Variants in AKAP3 observed in about 807,000 individuals in gnomAD.
AKAP3 encodes the protein A-kinase anchor protein 3.
In AKAP3, 27 loss-of-function variants were observed where a neutral mutation model predicts 57.2. The ratio of observed to expected loss-of-function variants is 0.47; its 90% CI spans 0.35 to 0.65. The LOEUF (loss-of-function observed/expected upper bound fraction) is 0.65, where lower values mean the gene tolerates loss of function less well. AKAP3 is among the 30% of genes least tolerant of loss of function. The pLI, the probability that AKAP3 is intolerant of heterozygous loss-of-function variation, is 0.01. For missense variants in AKAP3, 959 were observed against 1,040.0 expected, an observed-to-expected ratio of 0.92 and a Z score of 1.07; for synonymous variants, 334 against 392.3, an observed-to-expected ratio of 0.85 and a Z score of 1.76.
At chr12:4,635,053 T>C (rs528042575) in intron 4 of AKAP3, among the ~76,000 whole-genome samples, 1 of 152,280 alleles carries the variant, frequency 6.6e-6, no homozygotes, top group Non-Finnish European at 1.5e-5. Context: ...TGGGTCCAGA[T>C]AGTCATTTGT....
At chr12:4,641,062 C>CTTTTTTTTTTT (rs374817430) in intron 3 of AKAP3, among the ~76,000 whole-genome samples, 1 of 68,714 alleles carries the variant, frequency 1.5e-5, no homozygotes, top group Non-Finnish European at 2.5e-5. Context: ...TTCTAACTTC[C>CTTTTTTTTTTT]TTTTTTTTTT....
intron 4 of AKAP3, among the ~76,000 whole-genome samples, chr12:4,632,181 G>A (rs767371167): frequency 1.2e-4 from 18 of 151,826 alleles, no homozygotes; most frequent in Non-Finnish European, 2.1e-4. Flanking sequence ...ATGGCTAAGC[G>A]TAAAGTATAT....
intron 5 of AKAP3, among the ~76,000 whole-genome samples, chr12:4,620,956 G>C (rs1433680347): frequency 6.6e-6 from 1 of 152,084 alleles, no homozygotes; most frequent in Admixed American, 6.5e-5. Flanking sequence ...CAGGACAAAG[G>C]CATTGTCATC....
intron 4 of AKAP3, chr12:4,631,313 C>T (rs1027640637): frequency 1.3e-5 from 9 of 700,236 alleles, no homozygotes; most frequent in Non-Finnish European, 2.3e-5. Context: ...ATTTTTTGTC[C>T]ATCTTAAGCT....
chr12:4,615,825 G>A lies in AKAP3; in HGVS notation c.2476C>T (p.Arg826Cys), dbSNP rs1427166564. The change falls in exon 6 of 6, where the codon CGC becomes TGC. Residue 826 changes from arginine to cysteine, a missense_variant. Coordinates refer to ENST00000228850, the MANE Select transcript of AKAP3 (RefSeq NM_001278309.2). ...TTCAGCTGGCGCTCCTTCTCATAGC[G>A]CAGCACCGACTGCAGAACCTCGCCC... ...SVGEVLQSVLRYEKERQLNEA... is the reference protein window; with the variant it reads ...SVGEVLQSVLCYEKERQLNEA... 7.4e-6 allele frequency: 12 copies of A among 1,614,074 alleles called. No individual in the cohort carries two copies. Among genetic ancestry groups the A allele is most frequent in the African/African-American group, 1.3e-5 (1 of 74,930 alleles).
At chr12:4,648,401 A>G (rs1945724811) in intron 1 of AKAP3, 1 of 152,248 alleles carries the variant, frequency 6.6e-6, no homozygotes, top group South Asian at 2.1e-4. Context: ...CTAGTTGGTG[A>G]TAAGTGCTTT....
intron 2 of AKAP3, among the ~76,000 whole-genome samples, chr12:4,642,553 G>GC (rs1945649853): frequency 6.6e-6 from 1 of 152,074 alleles, no homozygotes; most frequent in African/African-American, 2.4e-5. Flanking sequence ...TATCCACCCA[G>GC]CCCCCCAGTA....
At position 4,635,237 on chromosome 12, in the gene AKAP3, A is replaced by G. The variant is rs879182338; in HGVS notation, c.96+2864T>C. The stretch of plus-strand genomic sequence containing the variant: ...TCTGCATTAGAAACTTGACTCTATC[A>G]TAAGTCTCTTTTGGAAGTCATACTG... On this transcript the variant is annotated intron_variant, in intron 4 of 5. Coordinates refer to ENST00000228850, the MANE Select transcript of AKAP3 (RefSeq NM_001278309.2). 3.9e-5 allele frequency: 11 copies of G among 280,862 alleles called. No homozygotes were observed. The South Asian group carries it at 6.5e-4, about 17-fold the overall frequency. 17.4% of individuals were successfully genotyped at this position (280,862 alleles called of 1,614,324 possible).
In AKAP3 at chr12:4,627,065, G is replaced by C. The variant is rs766114462; in HGVS notation, c.1837C>G (p.Pro613Ala). 2 of 1,614,020 alleles carry C rather than the reference G, an allele frequency of 1.2e-6. No individual in the cohort carries two copies. Among genetic ancestry groups the C allele is most frequent in the South Asian group, 1.1e-5 (1 of 91,056 alleles). ...GGCTGTTCCGGCACCTTGGGTTCAG[G>C]GCTCTGGTCACGCTTGAAAATGGTC... ...SETIFKRDQSPEPKVPEQPVK... is the reference protein window; with the variant it reads ...SETIFKRDQSAEPKVPEQPVK... The change falls in exon 5 of 6, where the codon CCT (proline) becomes GCT (alanine). Residue 613 changes from proline to alanine, a missense_variant. Coordinates refer to ENST00000228850, the MANE Select transcript of AKAP3 (RefSeq NM_001278309.2).
At position 4,642,147 on chromosome 12, in the gene AKAP3, C is replaced by T. The variant is rs1033193513; in HGVS notation, c.-106-143G>A. ...CAAAATGACATTCAAATTTCATGAG[C>T]ACACATCTTATTCTTGATGCAGTCT... is the stretch of plus-strand genomic sequence containing the variant. On this transcript the variant is annotated intron_variant, in intron 2 of 5. Transcript: ENST00000228850. 3.3e-5 allele frequency: 5 copies of T among 152,282 alleles called. No individual in the cohort carries two copies. In the East Asian group the frequency reaches 9.6e-4, roughly 29 times the overall value. 9.4% of individuals were successfully genotyped at this position (152,282 alleles called of 1,614,324 possible).
rs558729195 is a variant in AKAP3 at position 4,628,713 on chromosome 12, G to A, written c.189C>T (p.Pro63=). 6.8e-5 allele frequency: 110 copies of A among 1,614,142 alleles called. No individual in the cohort carries two copies. The highest frequency in any genetic ancestry group is 2.2e-4 in the East Asian group (10 of 44,882). The change falls in exon 5 of 6, where the codon CCC becomes CCT. Residue 63 remains proline, a synonymous_variant. Transcript: ENST00000228850. ...TAEFQDVRFK[P]GESFGGETSN... is the part of the protein sequence containing the mutation. ...ACGTTTCCCCACCAAATGATTCTCC[G>A]GGTTTGAACCGAACATCTTGGAACT...
At chr12:4,643,176 T>C (rs1053243667) in intron 2 of AKAP3, among the ~76,000 whole-genome samples, 1 of 152,230 alleles carries the variant, frequency 6.6e-6, no homozygotes, top group African/African-American at 2.4e-5. Flanking sequence ...TTCTAATGTT[T>C]TAATTCTATT....
chr12:4,623,147 A>G (rs138651084), intron 5 of AKAP3, among the ~76,000 whole-genome samples: 9 of 152,364 alleles, frequency 5.9e-5, no homozygotes, highest in African/African-American at 9.6e-5. Flanking sequence ...CAACACTTAT[A>G]CACTGTTGGT....
chr12:4,646,080 T>C (rs1357375566), intron 1 of AKAP3, among the ~76,000 whole-genome samples: 2 of 152,186 alleles, frequency 1.3e-5, no homozygotes, highest in Non-Finnish European at 2.9e-5. Context: ...CTCTGGGTTA[T>C]AATTTGTCTT....
At chr12:4,620,398 A>T (rs913025791) in intron 5 of AKAP3, among the ~76,000 whole-genome samples, 3 of 143,034 alleles carry the variant, frequency 2.1e-5, no homozygotes, top group African/African-American at 7.9e-5. Context: ...AATCGCTTGA[A>T]CCTGGGGGGC....
chr12:4,636,774 C>G (rs965733227), intron 4 of AKAP3, among the ~76,000 whole-genome samples: 1 of 151,982 alleles, frequency 6.6e-6, no homozygotes, highest in Non-Finnish European at 1.5e-5. Context: ...TATTTTGAGA[C>G]AAGGTCTCAC....
intron 5 of AKAP3, among the ~76,000 whole-genome samples, chr12:4,618,838 A>C (rs568323045): frequency 9.8e-5 from 15 of 152,358 alleles, no homozygotes; most frequent in Admixed American, 3.9e-4. Flanking sequence ...ATCTAGTTAG[A>C]CTTCATTTTG....
chr12:4,633,336 G>C (rs1219956641), intron 4 of AKAP3, among the ~76,000 whole-genome samples: 1 of 152,068 alleles, frequency 6.6e-6, no homozygotes, highest in Non-Finnish European at 1.5e-5. Flanking sequence ...GTAGAATAGA[G>C]ATTTACAATG....
chr12:4,631,218 T>G, intron 4 of AKAP3: 1 of 581,864 alleles, frequency 1.7e-6, no homozygotes, highest in Non-Finnish European at 3.1e-6. Context: ...TGTCTGACCA[T>G]TTGGTAATCT....
Sources: gnomAD v4.1 joint callset for allele counts (sites outside exome capture counted in the v4.1 genomes callset) on GRCh38, gnomAD v4.1.1 for gene constraint, MANE v1.5 for transcripts, NCBI Gene and HGNC (gene_info 2026-07-23, HGNC 2026-07-21) for gene names.